ZGRF1: variants seen among roughly 807,000 people sequenced by gnomAD.
ZGRF1 encodes 5'-3' DNA helicase ZGRF1.
Under a neutral mutation model 203.5 loss-of-function variants are expected in ZGRF1, and 196 were observed. The observed-to-expected ratio is 0.96, with a 90% confidence interval of 0.86 to 1.08. The LOEUF (loss-of-function observed/expected upper bound fraction) is 1.08. ZGRF1 is among the 50% of genes least tolerant of loss of function. The pLI is 0.00. For missense variants in ZGRF1, 2,326 were observed against 2,416.3 expected (o/e 0.96, Z 0.78); for synonymous variants, 809 against 841.3 (o/e 0.96, Z 0.66).
chr4:112,616,639 A>C (rs555348614), intron 6 of ZGRF1, among the ~76,000 whole-genome samples: 14 of 151,966 alleles, frequency 9.2e-5, no homozygotes, highest in Non-Finnish European at 1.8e-4. Flanking sequence ...GTTCAAGACC[A>C]GCCTGGCCAA....
intron 6 of ZGRF1, among the ~76,000 whole-genome samples, chr4:112,616,391 G>T (rs1490938960): frequency 6.6e-6 from 1 of 151,886 alleles, no homozygotes; most frequent in Non-Finnish European, 1.5e-5. Context: ...TGGGCATGGT[G>T]GCGGGTGCCT....
At chr4:112,561,026 A>T (rs560253943) in intron 18 of ZGRF1, 31 bp from the exon 19 acceptor site, 239 of 1,532,044 alleles carry the variant, frequency 1.6e-4, no homozygotes, top group African/African-American at 5.3e-4. Context: ...AAACAATTTT[A>T]AAAAAAGGGG....
intron 24 of ZGRF1, among the ~76,000 whole-genome samples, chr4:112,546,052 C>A (rs1284531255): frequency 1.1e-5 from 1 of 94,466 alleles, no homozygotes; most frequent in Non-Finnish European, 2.3e-5. Flanking sequence ...GGTTGTACAA[C>A]ATTATGAATG....
At chr4:112,565,381 C>T (rs1432764932) in intron 16 of ZGRF1, 8 of 954,560 alleles carry the variant, frequency 8.4e-6, no homozygotes, top group Admixed American at 5.3e-5. Flanking sequence ...ATGCCACATA[C>T]GTTGAGAATG....
intron 6 of ZGRF1, among the ~76,000 whole-genome samples, chr4:112,613,226 G>A (rs1347914279): frequency 6.6e-6 from 1 of 152,174 alleles, no homozygotes; most frequent in African/African-American, 2.4e-5. Context: ...CTCGGGAGGT[G>A]GAGGTTGCAG....
At chr4:112,617,403 T>C (rs762854995) in intron 6 of ZGRF1, 37 bp downstream of exon 6, 23 of 1,440,368 alleles carry the variant, frequency 1.6e-5, no homozygotes, top group Non-Finnish European at 1.9e-6. Context: ...CAAAGACCTA[T>C]AAAGAAAACA....
intron 16 of ZGRF1, chr4:112,564,886 A>C: frequency 1.6e-6 from 1 of 638,456 alleles, no homozygotes; most frequent in Non-Finnish European, 2.8e-6. Context: ...TTGTGTTCGC[A>C]GCCGCCACCG....
At chr4:112,597,776 C>T (rs193167713) in intron 10 of ZGRF1, among the ~76,000 whole-genome samples, 131 of 150,942 alleles carry the variant, frequency 8.7e-4, no homozygotes, top group African/African-American at 2.9e-3. Context: ...CCCAGCTACT[C>T]GGGAGGCTGA....
chr4:112,591,572 C>A (rs1410152549), intron 10 of ZGRF1, among the ~76,000 whole-genome samples: 1 of 152,180 alleles, frequency 6.6e-6, no homozygotes, highest in Non-Finnish European at 1.5e-5. Flanking sequence ...TCCTGTTTAA[C>A]CTCACTGCCT....
At chr4:112,605,822 G>C (rs1473678565) in intron 9 of ZGRF1, 186 bp downstream of exon 9, 1 of 559,376 alleles carries the variant, frequency 1.8e-6, no homozygotes, top group Admixed American at 3.4e-5. Flanking sequence ...TATAGAGAAA[G>C]TTTAAGACCA....
chr4:112,617,473 G>C lies in ZGRF1; in HGVS notation c.2569C>G (p.Gln857Glu), dbSNP rs1344430831. 1 of 1,581,334 alleles carries C rather than the reference G, an allele frequency of 6.3e-7. No homozygotes were observed. Among genetic ancestry groups the C allele is most frequent in the Non-Finnish European group, 8.6e-7 (1 of 1,167,524 alleles). The change falls in exon 6 of 28, where the codon CAA (glutamine) becomes GAA (glutamate). Residue 857 changes from glutamine to glutamate, a missense_variant. Transcript: ENST00000505019. ...GGGCTATCTGGCTCATACGTCTGTTGAGTTCCTTGCTGAAAGACAGTATTT... is the reference window on the plus strand; with the variant it reads ...GGGCTATCTGGCTCATACGTCTGTTCAGTTCCTTGCTGAAAGACAGTATTT... ...KKNTVFQQGT[Q>E]QTYEPDSPPE...
At chr4:112,574,663 A>G (rs759483420) in intron 16 of ZGRF1, among the ~76,000 whole-genome samples, 3 of 152,220 alleles carry the variant, frequency 2.0e-5, no homozygotes, top group Non-Finnish European at 4.4e-5. Flanking sequence ...CTATGTGAGG[A>G]CCAATGACTA....
chr4:112,634,453 C>T (rs1258619746), intron 1 of ZGRF1, among the ~76,000 whole-genome samples: 1 of 151,986 alleles, frequency 6.6e-6, no homozygotes, highest in Non-Finnish European at 1.5e-5. Flanking sequence ...AGTTCGAGAC[C>T]AGCCTGGCCA....
At chr4:112,578,501 T>A in intron 16 of ZGRF1, among the ~76,000 whole-genome samples, 1 of 118,716 alleles carries the variant, frequency 8.4e-6, no homozygotes, top group African/African-American at 2.9e-5. Flanking sequence ...TTTGAAAAGA[T>A]CAACAAAATT....
chr4:112,554,783 C>T lies in ZGRF1; in HGVS notation c.5121-1G>A, dbSNP rs967162869. 9.3e-6 allele frequency: 14 copies of T among 1,499,290 alleles called. No homozygotes were observed. Among genetic ancestry groups the T allele is most frequent in the Non-Finnish European group, 1.3e-5 (14 of 1,101,600 alleles). 92.9% of individuals were successfully genotyped at this position (1,499,290 alleles called of 1,614,324 possible). On this transcript the variant is annotated splice_acceptor_variant, in intron 20 of 27. Transcript: ENST00000505019. LOFTEE classifies it high-confidence loss of function. ...GTTTTCAAATCCAAGACTGAGAAGC[C>T]TTTAAATAAGAAAACAATATAGATT...
chr4:112,623,598 C>T (rs532553886), intron 4 of ZGRF1, among the ~76,000 whole-genome samples: 5 of 152,192 alleles, frequency 3.3e-5, no homozygotes, highest in African/African-American at 9.6e-5. Flanking sequence ...GCACTGCACT[C>T]CTAATCTATA....
intron 24 of ZGRF1, among the ~76,000 whole-genome samples, chr4:112,543,149 A>C (rs1345708545): frequency 2.0e-5 from 3 of 152,206 alleles, no homozygotes; most frequent in Non-Finnish European, 2.9e-5. Context: ...ACTTGACATT[A>C]GCCATATTAA....
Position 112,619,160 on chromosome 4 carries a change from C to T in ZGRF1, c.882G>A (p.Lys294=). Residue 294 remains lysine, a synonymous_variant, in exon 6 of 28, where the codon AAG becomes AAA. Transcript: ENST00000505019. The stretch of plus-strand genomic sequence containing the variant: ...CACACTCTTCCTGTTGAATTAGGTA[C>T]TTTGGTTTAGTAGCAATTTTTAAAC... ...QGSLKIATKP[K]YLIQQEECAE... is the part of the protein sequence containing the mutation. 6.2e-7 allele frequency: 1 copy of T among 1,613,624 alleles called. No homozygotes were observed. Among genetic ancestry groups the T allele is most frequent in the East Asian group, 2.2e-5 (1 of 44,868 alleles).
intron 18 of ZGRF1, among the ~76,000 whole-genome samples, chr4:112,562,059 G>A (rs1206704998): frequency 4.0e-5 from 6 of 151,896 alleles, no homozygotes; most frequent in South Asian, 2.1e-4. Context: ...ACAGGCATGC[G>A]CCAGTATGCC....
Sources: allele counts gnomAD v4.1 joint callset (sites outside exome capture counted in the v4.1 genomes callset), GRCh38; gene constraint gnomAD v4.1.1; transcripts MANE v1.5; gene names NCBI Gene and HGNC (gene_info 2026-07-23, HGNC 2026-07-21).